PPP3CC: variants seen among roughly 807,000 people sequenced by gnomAD.
PPP3CC encodes the protein serine/threonine-protein phosphatase 2B catalytic subunit gamma isoform.
A neutral mutation model predicts 60.3 loss-of-function variants in PPP3CC; 35 were observed. That is an observed-to-expected ratio of 0.58 (90% CI 0.44 to 0.77). The LOEUF (loss-of-function observed/expected upper bound fraction) is 0.77, where lower values mean the gene tolerates loss of function less well. Ranked by LOEUF, PPP3CC falls within the 30% of genes least tolerant of loss-of-function variation. PPP3CC has a pLI of 0.00. For missense variants in PPP3CC, 570 were observed against 628.9 expected (o/e 0.91, Z 1.00); for synonymous variants, 206 against 224.3 (o/e 0.92, Z 0.73).
At chr8:22,513,225 A>T in intron 5 of PPP3CC, 68 bp from the exon 6 acceptor site, 1 of 1,499,928 alleles carries the variant, frequency 6.7e-7, no homozygotes, top group Non-Finnish European at 9.0e-7. Context: ...TTTCTTTGAC[A>T]CATACTAGTT....
intron 4 of PPP3CC, among the ~76,000 whole-genome samples, chr8:22,499,272 T>C (rs1838689885): frequency 6.7e-6 from 1 of 150,164 alleles, no homozygotes; most frequent in Non-Finnish European, 1.5e-5. Flanking sequence ...ACCCCGTCTC[T>C]ACTAAAAATA....
At chr8:22,448,561 T>C (rs1264800255) in intron 1 of PPP3CC, among the ~76,000 whole-genome samples, 1 of 151,958 alleles carries the variant, frequency 6.6e-6, no homozygotes, top group Non-Finnish European at 1.5e-5. Flanking sequence ...ATATTTTTAG[T>C]AGAGACGAGG....
intron 5 of PPP3CC, 21 bp downstream of exon 5, chr8:22,511,252 C>G: frequency 6.3e-7 from 1 of 1,598,590 alleles, no homozygotes; most frequent in African/African-American, 1.3e-5. Context: ...TTTTATTATT[C>G]TCACAGGGAA....
chr8:22,451,839 T>G (rs1042102173), intron 1 of PPP3CC, among the ~76,000 whole-genome samples: 2 of 152,224 alleles, frequency 1.3e-5, no homozygotes, highest in Non-Finnish European at 2.9e-5. Flanking sequence ...AAATGAATTT[T>G]GTGTTTGGAC....
intron 8 of PPP3CC, chr8:22,523,753 T>G (rs370919651): frequency 4.5e-6 from 2 of 440,386 alleles, no homozygotes; most frequent in South Asian, 1.6e-5. Flanking sequence ...GACTGATAAA[T>G]AAGGTGAGTG....
intron 12 of PPP3CC, 40 bp downstream of exon 12, chr8:22,533,058 G>C (rs756083131): frequency 7.0e-7 from 1 of 1,429,086 alleles, no homozygotes; most frequent in Admixed American, 2.1e-5. Context: ...GTGTGCTCCC[G>C]TTACCTAACA....
chr8:22,514,833 C>T (rs1839199839), intron 6 of PPP3CC, among the ~76,000 whole-genome samples: 1 of 151,964 alleles, frequency 6.6e-6, no homozygotes, highest in South Asian at 2.1e-4. Context: ...GCACCTACCA[C>T]CATGCCTGGC....
chr8:22,494,545 T>C (rs1437008212), intron 3 of PPP3CC, among the ~76,000 whole-genome samples: 1 of 152,238 alleles, frequency 6.6e-6, no homozygotes, highest in Non-Finnish European at 1.5e-5. Context: ...ATAAGTGGTG[T>C]ATACAATTGA....
Position 22,496,711 on chromosome 8 carries a change from G to T in PPP3CC, c.373-1290G>T, listed in dbSNP as rs570499606. Among the ~76,000 whole-genome samples the T allele has an allele frequency of 9.6e-4, 146 of 151,320 alleles. 2 individuals carry two copies. Among genetic ancestry groups the T allele is most frequent in the Non-Finnish European group, 1.7e-3 (117 of 67,850 alleles). ...GGGGTTTCACCATATTGGCCAGGCTGGTCTCGAACTCCTGACCTTAGGTGA... is the reference window on the plus strand; with the variant it reads ...GGGGTTTCACCATATTGGCCAGGCTTGTCTCGAACTCCTGACCTTAGGTGA... On this transcript the variant is annotated intron_variant, in intron 3 of 13. Transcript: ENST00000240139.
intron 1 of PPP3CC, among the ~76,000 whole-genome samples, chr8:22,463,801 T>G (rs934759816): frequency 6.6e-6 from 1 of 152,046 alleles, no homozygotes; most frequent in Non-Finnish European, 1.5e-5. Flanking sequence ...TTTTTTTTTT[T>G]TTGAGACGAA....
chr8:22,450,913 G>A (rs1836999248), intron 1 of PPP3CC, among the ~76,000 whole-genome samples: 1 of 151,028 alleles, frequency 6.6e-6, no homozygotes. Flanking sequence ...ACGGCTCACT[G>A]AAAGCTCCGC....
chr8:22,455,982 G>A (rs1837183689), intron 1 of PPP3CC, among the ~76,000 whole-genome samples: 1 of 152,172 alleles, frequency 6.6e-6, no homozygotes, highest in Non-Finnish European at 1.5e-5. Context: ...AATACTTTTG[G>A]TAATAATATT....
intron 1 of PPP3CC, among the ~76,000 whole-genome samples, chr8:22,459,592 G>A (rs1837308622): frequency 6.6e-6 from 1 of 152,042 alleles, no homozygotes; most frequent in African/African-American, 2.4e-5. Flanking sequence ...TACATTGTTG[G>A]TTGGACTTAA....
At chr8:22,508,821 A>G (rs1839000156) in intron 4 of PPP3CC, among the ~76,000 whole-genome samples, 1 of 152,212 alleles carries the variant, frequency 6.6e-6, no homozygotes, top group Admixed American at 6.5e-5. Context: ...TACTTCCAAC[A>G]GACTTTATGG....
At chr8:22,525,425 T>C (rs1839514755) in intron 8 of PPP3CC, among the ~76,000 whole-genome samples, 1 of 151,974 alleles carries the variant, frequency 6.6e-6, no homozygotes, top group African/African-American at 2.4e-5. Flanking sequence ...TTTCTCTTTC[T>C]CTCTTTTCTT....
At chr8:22,539,667 C>T (rs985790104) in intron 13 of PPP3CC, among the ~76,000 whole-genome samples, 169 bp downstream of exon 13, 1 of 152,166 alleles carries the variant, frequency 6.6e-6, no homozygotes, top group African/African-American at 2.4e-5. Context: ...CCTTTGTGTC[C>T]TATCTTTGCA....
At chr8:22,453,420 T>C (rs6993341) in intron 1 of PPP3CC, among the ~76,000 whole-genome samples, 82,340 of 151,964 alleles carry the variant, frequency 0.54, 23,157 homozygotes, top group African/African-American at 0.69. Flanking sequence ...AAACATTGTA[T>C]AGTGTACAGT....
chr8:22,513,005 G>C (rs1286288508), intron 5 of PPP3CC, among the ~76,000 whole-genome samples: 1 of 152,046 alleles, frequency 6.6e-6, no homozygotes, highest in African/African-American at 2.4e-5. Context: ...GAACCTGGGA[G>C]GCGGAGTTTG....
intron 8 of PPP3CC, among the ~76,000 whole-genome samples, chr8:22,523,107 C>A (rs1423695260): frequency 2.0e-5 from 3 of 151,972 alleles, no homozygotes; most frequent in Non-Finnish European, 2.9e-5. Context: ...TCAAAGTCAC[C>A]ATTGGTATTT....
Sources: gnomAD v4.1 joint callset for allele counts (sites outside exome capture counted in the v4.1 genomes callset) on GRCh38, gnomAD v4.1.1 for gene constraint, MANE v1.5 for transcripts, NCBI Gene and HGNC (gene_info 2026-07-23, HGNC 2026-07-21) for gene names.